SAP30BP: variants seen among roughly 807,000 people sequenced by gnomAD.
SAP30BP encodes SAP30-binding protein.
Under a neutral mutation model 46.3 loss-of-function variants are expected in SAP30BP, and 31 were observed. That is an observed-to-expected ratio of 0.67 (90% CI 0.50 to 0.90). The LOEUF (loss-of-function observed/expected upper bound fraction) is 0.90, where lower values mean the gene tolerates loss of function less well. SAP30BP is among the 40% of genes least tolerant of loss of function. SAP30BP has a pLI of 0.00. For synonymous variants in SAP30BP, 169 were observed against 144.2 expected, an observed-to-expected ratio of 1.17 and a Z score of -1.23; for missense variants, 312 against 391.0, an observed-to-expected ratio of 0.80 and a Z score of 1.70.
intron 3 of SAP30BP, among the ~76,000 whole-genome samples, chr17:75,686,255 C>T (rs180834656): frequency 1.6e-4 from 24 of 152,062 alleles, no homozygotes; most frequent in Admixed American, 4.6e-4. Flanking sequence ...CAGTGGCTCA[C>T]GCCTGTAATC....
At chr17:75,696,847 G>T (rs148806185) in intron 4 of SAP30BP, among the ~76,000 whole-genome samples, 21 of 146,366 alleles carry the variant, frequency 1.4e-4, no homozygotes, top group African/African-American at 5.1e-4. Flanking sequence ...GTGCAATCTC[G>T]GCTCACTGTA....
chr17:75,692,439 T>TTGA (rs1243653459), intron 3 of SAP30BP: 2 of 985,340 alleles, frequency 2.0e-6, no homozygotes, highest in Non-Finnish European at 2.4e-6. Context: ...CTCTGCTGTT[T>TTGA]TGATGATGAG....
intron 9 of SAP30BP, 47 bp from the exon 10 acceptor site, chr17:75,705,961 G>A: frequency 6.2e-7 from 1 of 1,606,764 alleles, no homozygotes; most frequent in Non-Finnish European, 8.5e-7. Flanking sequence ...AAAAGCTGTG[G>A]ACACCCAGCT....
intron 3 of SAP30BP, chr17:75,684,898 C>T (rs1048336400): frequency 1.1e-4 from 16 of 152,368 alleles, no homozygotes; most frequent in African/African-American, 3.8e-4. Context: ...GGCCTCACTA[C>T]ATCATAAGCT....
chr17:75,706,043 G>A lies in SAP30BP; in HGVS notation c.696G>A (p.Thr232=), dbSNP rs773926369. The change falls in exon 10 of 11, where the codon ACG becomes ACA. Residue 232 remains threonine (T), a synonymous_variant. Transcript: ENST00000584667. This position sits in a 1 kb window ranked among gnomAD's most constrained non-coding sequence, Gnocchi z 4.6. ...EFVTGTKKGT[T]TNATSTTTTT... ...TGACGGGCACCAAAAAAGGCACCAC[G>A]ACCAACGCCACGTCCACCACCACTA... 16 of 1,613,672 alleles carry A rather than the reference G, an allele frequency of 9.9e-6. No homozygotes were observed. Among genetic ancestry groups the A allele is most frequent in the South Asian group, 4.4e-5 (4 of 91,024 alleles).
chr17:75,693,569 A>G, intron 4 of SAP30BP, 87 bp downstream of exon 4: 1 of 1,263,398 alleles, frequency 7.9e-7, no homozygotes, highest in South Asian at 1.3e-5. Context: ...GCCGCCCCAC[A>G]GGGCTTCTGT....
chr17:75,698,443 C>T (rs538854930), intron 4 of SAP30BP, among the ~76,000 whole-genome samples: 1 of 151,794 alleles, frequency 6.6e-6, no homozygotes, highest in African/African-American at 2.4e-5. Context: ...CAGCCTTAGA[C>T]GAGACGGGTG....
At chr17:75,690,171 G>A (rs2060221350) in intron 3 of SAP30BP, among the ~76,000 whole-genome samples, 1 of 151,874 alleles carries the variant, frequency 6.6e-6, no homozygotes, top group Non-Finnish European at 1.5e-5. Flanking sequence ...TGTTTTTTCT[G>A]ACACATGGCT....
intron 1 of SAP30BP, among the ~76,000 whole-genome samples, 178 bp downstream of exon 1, chr17:75,667,656 T>G (rs1213697571): frequency 6.6e-6 from 1 of 152,202 alleles, no homozygotes; most frequent in African/African-American, 2.4e-5. Flanking sequence ...ATGAAGAATC[T>G]CCTTCCCGTT....
At chr17:75,703,104 G>A (rs376170876) in intron 6 of SAP30BP, 8 of 575,596 alleles carry the variant, frequency 1.4e-5, no homozygotes, top group Admixed American at 9.0e-5. Flanking sequence ...AAACTCAGCC[G>A]TCACCTTGAC....
At chr17:75,686,509 C>G (rs146939690) in intron 3 of SAP30BP, among the ~76,000 whole-genome samples, 1 of 151,246 alleles carries the variant, frequency 6.6e-6, no homozygotes, top group East Asian at 1.9e-4. Context: ...GAGCGGGACT[C>G]CATCTCAGGA....
chr17:75,706,831 C>A lies in SAP30BP; in HGVS notation c.*310C>A. The A allele has an allele frequency of 2.5e-6, 1 of 400,162 alleles. No individual in the cohort carries two copies. Among genetic ancestry groups the A allele is most frequent in the Non-Finnish European group, 4.6e-6 (1 of 218,300 alleles). The allele number at this position is 400,162 out of a possible 1,614,324, so 24.8% of individuals were successfully genotyped here. ...GCAAATGCTTCAGCTCACATGTCCC[C>A]CAAGACTCAATAGTCTTGGTTGGGA... On this transcript the variant is annotated 3_prime_UTR_variant, in exon 11 of 11. Coordinates refer to ENST00000584667, the MANE Select transcript of SAP30BP (RefSeq NM_013260.8). This position sits in a 1 kb window ranked among gnomAD's most constrained non-coding sequence, Gnocchi z 4.6.
intron 4 of SAP30BP, among the ~76,000 whole-genome samples, chr17:75,699,551 T>G (rs2060375192): frequency 6.6e-6 from 1 of 152,008 alleles, no homozygotes; most frequent in African/African-American, 2.4e-5. Flanking sequence ...TATACATTTA[T>G]TCCCTCTGCC....
rs539852684 is a variant in SAP30BP at position 75,669,556 on chromosome 17, T to A, written c.216+931T>A. Among the ~76,000 whole-genome samples the A allele has an allele frequency of 2.8e-4, 42 of 152,046 alleles. No homozygotes were observed. The South Asian group carries it at 3.1e-3, about 11-fold the overall frequency. On this transcript the variant is annotated intron_variant, in intron 2 of 10. Coordinates refer to ENST00000584667, the MANE Select transcript of SAP30BP (RefSeq NM_013260.8). The stretch of plus-strand genomic sequence containing the variant: ...CTGCTCCTGGCCGATTTTTAAAATT[T>A]AAAAAAAAATTTTTTGTAGAGACGT...
intron 3 of SAP30BP, among the ~76,000 whole-genome samples, chr17:75,681,043 A>T (rs1360589025): frequency 6.6e-6 from 1 of 152,226 alleles, no homozygotes; most frequent in Non-Finnish European, 1.5e-5. Context: ...TGAAAAAAAG[A>T]AGAAAAAATG....
At chr17:75,670,495 A>C (rs561222398) in intron 2 of SAP30BP, among the ~76,000 whole-genome samples, 5 of 146,068 alleles carry the variant, frequency 3.4e-5, no homozygotes, top group Admixed American at 7.0e-5. Flanking sequence ...AAGTACACAC[A>C]TTCTGGCTTA....
At chr17:75,687,272 A>G (rs1393503992) in intron 3 of SAP30BP, among the ~76,000 whole-genome samples, 3 of 152,198 alleles carry the variant, frequency 2.0e-5, no homozygotes, top group Non-Finnish European at 2.9e-5. Flanking sequence ...TTAACTATAC[A>G]GTAATTATTT....
In SAP30BP at chr17:75,706,741, A is replaced by G. The variant is rs1375082555; in HGVS notation, c.*220A>G. The stretch of plus-strand genomic sequence containing the variant: ...ACCACCTGGGGTCTGCCGCCTATTA[A>G]AAGTGCCGTATTCTTACCTCTTGGC... On this transcript the variant is annotated 3_prime_UTR_variant, in exon 11 of 11. Transcript: ENST00000584667. This position sits in a 1 kb window ranked among gnomAD's most constrained non-coding sequence, Gnocchi z 4.6. 1.7e-6 allele frequency: 1 copy of G among 572,374 alleles called. No homozygotes were observed. The highest frequency in any genetic ancestry group is 1.9e-5 in the African/African-American group (1 of 53,424). The allele number at this position is 572,374 out of a possible 1,614,324, so 35.5% of individuals were successfully genotyped here. A position where few individuals can be genotyped will look rare whatever the true frequency, so the allele number is the denominator to read the frequency against.
At chr17:75,674,697 G>GTTTTTTTTTTTTTTTT (rs66721865) in intron 3 of SAP30BP, among the ~76,000 whole-genome samples, 6 of 61,552 alleles carry the variant, frequency 9.7e-5, no homozygotes, top group African/African-American at 2.1e-4. Flanking sequence ...TTTGTTTTTT[G>GTTTTTTTTTTTTTTTT]TTTTTTTTTT....
Sources: gnomAD v4.1 joint callset for allele counts (sites outside exome capture counted in the v4.1 genomes callset) on GRCh38, gnomAD v4.1.1 for gene constraint, Gnocchi (gnomAD v3.1) non-coding constraint, MANE v1.5 for transcripts, NCBI Gene and HGNC (gene_info 2026-07-23, HGNC 2026-07-21) for gene names.